IL1RAPL2: variants seen among roughly 807,000 people sequenced by gnomAD.
IL1RAPL2 encodes interleukin 1 receptor accessory protein like 2.
IL1RAPL2 carries 3 observed loss-of-function variants against 44.1 expected under a neutral mutation model. That is an observed-to-expected ratio of 0.07 (90% CI 0.03 to 0.18). The LOEUF is 0.18. IL1RAPL2 is among the 10% of genes least tolerant of loss of function. The pLI, the probability that IL1RAPL2 is intolerant of heterozygous loss-of-function variation, is 1.00. For synonymous variants in IL1RAPL2, 181 were observed against 178.8 expected (o/e 1.01, Z -0.10); for missense variants, 391 against 496.4 (o/e 0.79, Z 2.02).
intron 6 of IL1RAPL2, among the ~76,000 whole-genome samples, chrX:105,641,363 T>G (rs1394667965): frequency 3.6e-5 from 4 of 111,528 alleles, no homozygotes; most frequent in Non-Finnish European, 7.5e-5. Flanking sequence ...AAGAATAAGA[T>G]GTAGCCCTTG....
At position 104,679,635 on chromosome X, in the gene IL1RAPL2, T is replaced by A. The variant is rs144383578; in HGVS notation, c.82+20640T>A. 5.9e-3 allele frequency among the ~76,000 whole-genome samples: 657 copies of A among 112,076 alleles called. 2 individuals carry two copies. The highest frequency in any genetic ancestry group is 9.2e-3 in the Non-Finnish European group (488 of 53,228). ...TTCATGGATTTTATTAGAAATCACT[T>A]GTATCATCAGGCTTCTTGGATCTAC... On this transcript the variant is annotated intron_variant, in intron 2 of 10. Coordinates refer to ENST00000372582, the MANE Select transcript of IL1RAPL2 (RefSeq NM_017416.2).
chrX:105,717,256 A>G lies in IL1RAPL2; in HGVS notation c.773-111A>G, dbSNP rs180964534. ...ACAATGATAAGATGACTAGAAAAAGAGTTGAAAATTGGGTCACCTCTGAGT... is the reference window on the plus strand; with the variant it reads ...ACAATGATAAGATGACTAGAAAAAGGGTTGAAAATTGGGTCACCTCTGAGT... On this transcript the variant is annotated intron_variant, in intron 6 of 10. Transcript: ENST00000372582. 75 of 596,159 alleles carry G rather than the reference A, an allele frequency of 1.3e-4. 1 individual carries two copies. The highest frequency in any genetic ancestry group is 1.6e-4 in the Non-Finnish European group (66 of 417,445). The allele number at this position is 596,159 out of a possible 1,213,427, so 49.1% of individuals were successfully genotyped here.
At chrX:104,927,772 C>A (rs755770844) in intron 2 of IL1RAPL2, among the ~76,000 whole-genome samples, 13 of 111,814 alleles carry the variant, frequency 1.2e-4, no homozygotes, top group Non-Finnish European at 2.3e-4. Flanking sequence ...CCTTAGAATA[C>A]AATGCATTTT....
chrX:104,822,054 T>C lies in IL1RAPL2; in HGVS notation c.82+163059T>C, dbSNP rs142971820. 8.0e-4 allele frequency among the ~76,000 whole-genome samples: 90 copies of C among 112,257 alleles called. 1 individual carries two copies. The East Asian group carries it at 0.024, about 29-fold the overall frequency. Reference sequence around the variant, plus strand: ...CACTTATATGTCTTCTTTTAAAAAGTGTTTGTTCATATCCTTTGCCCAGTT... The same window carrying C: ...CACTTATATGTCTTCTTTTAAAAAGCGTTTGTTCATATCCTTTGCCCAGTT... On this transcript the variant is annotated intron_variant, in intron 2 of 10. Transcript: ENST00000372582.
intron 3 of IL1RAPL2, among the ~76,000 whole-genome samples, chrX:105,196,382 C>T (rs1556141343): frequency 8.9e-6 from 1 of 111,930 alleles, no homozygotes; most frequent in Admixed American, 9.5e-5. Flanking sequence ...TTGCATACAG[C>T]TAGTTGACTC....
rs759551154 is a variant in IL1RAPL2, at chrX:104,941,035, T to C, written c.83-254440T>C. Among the ~76,000 whole-genome samples the C allele has an allele frequency of 4.5e-3, 498 of 110,228 alleles. 2 individuals are homozygous for C. The highest frequency in any genetic ancestry group is 0.015 in the African/African-American group (457 of 30,285). ...TGTCCCTACAAAGGACATGAACTTA[T>C]CCTTTTTTATGGCTGCATAGTAATC... is the stretch of plus-strand genomic sequence containing the variant. On this transcript the variant is annotated intron_variant, in intron 2 of 10. Transcript: ENST00000372582.
intron 5 of IL1RAPL2, among the ~76,000 whole-genome samples, chrX:105,363,289 AATATAT>A (rs61486978): frequency 3.9e-5 from 3 of 76,236 alleles, no homozygotes; most frequent in African/African-American, 2.5e-4. Context: ...ATATATATAT[AATATAT>A]ATATATATAT....
chrX:105,193,168 G>A (rs782738675), intron 2 of IL1RAPL2, among the ~76,000 whole-genome samples: 2 of 111,550 alleles, frequency 1.8e-5, no homozygotes, highest in African/African-American at 3.3e-5. Context: ...AGACTTAGAA[G>A]AGATAACTAA....
At chrX:104,908,499 G>C (rs1428137075) in intron 2 of IL1RAPL2, among the ~76,000 whole-genome samples, 2 of 110,927 alleles carry the variant, frequency 1.8e-5, no homozygotes, top group Admixed American at 9.6e-5. Context: ...GGCAGGCCTG[G>C]TGGTGACAAA....
At position 104,930,005 on chromosome X, in the gene IL1RAPL2, C is replaced by G. The variant is rs190881370; in HGVS notation, c.83-265470C>G. Among the ~76,000 whole-genome samples the G allele has an allele frequency of 1.8e-4, 20 of 111,496 alleles. No individual in the cohort carries two copies. In the East Asian group the frequency reaches 5.4e-3, roughly 30 times the overall value. Reference sequence around the variant, plus strand: ...CATGTTATTGCTTACTTGTTGTACCCCTGTGTTCTTTTTCGACATTAACTC... The same window carrying G: ...CATGTTATTGCTTACTTGTTGTACCGCTGTGTTCTTTTTCGACATTAACTC... On this transcript the variant is annotated intron_variant, in intron 2 of 10. Coordinates refer to ENST00000372582, the MANE Select transcript of IL1RAPL2 (RefSeq NM_017416.2).
intron 2 of IL1RAPL2, among the ~76,000 whole-genome samples, chrX:105,147,071 G>A (rs1226156324): frequency 9.0e-6 from 1 of 111,234 alleles, no homozygotes; most frequent in African/African-American, 3.3e-5. Context: ...ACAAAGAAGG[G>A]ATGTCAGGGT....
At chrX:104,693,231 G>A (rs921912954) in intron 2 of IL1RAPL2, among the ~76,000 whole-genome samples, 4 of 111,395 alleles carry the variant, frequency 3.6e-5, no homozygotes, top group Non-Finnish European at 7.5e-5. Flanking sequence ...TCATACCATT[G>A]TACATGTGTT....
chrX:105,405,027 C>T (rs777482725), intron 5 of IL1RAPL2, among the ~76,000 whole-genome samples: 1 of 110,973 alleles, frequency 9.0e-6, no homozygotes, highest in African/African-American at 3.3e-5. Flanking sequence ...TGGTTATATA[C>T]ATATATATAG....
intron 2 of IL1RAPL2, among the ~76,000 whole-genome samples, chrX:105,029,217 T>C (rs184721186): frequency 5.6e-5 from 6 of 107,855 alleles, no homozygotes; most frequent in Admixed American, 5.0e-4. Context: ...TTGAGGTCTT[T>C]TTATTTTATT....
chrX:104,641,723 C>A (rs1929937511), intron 1 of IL1RAPL2, among the ~76,000 whole-genome samples: 1 of 111,292 alleles, frequency 9.0e-6, no homozygotes, highest in Non-Finnish European at 1.9e-5. Flanking sequence ...AGACCGGCAG[C>A]TGCAGCCCAC....
chrX:105,730,640 T>A (rs763927721), intron 7 of IL1RAPL2, among the ~76,000 whole-genome samples: 2 of 111,196 alleles, frequency 1.8e-5, no homozygotes, highest in East Asian at 5.7e-4. Flanking sequence ...ACAAATTTTT[T>A]AAAATTGAAA....
chrX:104,705,705 C>T (rs1343192280), intron 2 of IL1RAPL2, among the ~76,000 whole-genome samples: 3 of 111,185 alleles, frequency 2.7e-5, no homozygotes, highest in Admixed American at 9.6e-5. Context: ...TCCTGAGACC[C>T]GATAGCCCCA....
intron 5 of IL1RAPL2, among the ~76,000 whole-genome samples, chrX:105,400,321 C>T (rs2035598005): frequency 9.0e-6 from 1 of 111,325 alleles, no homozygotes; most frequent in African/African-American, 3.3e-5. Context: ...TTCAAGATGA[C>T]TCCTTTATTA....
chrX:105,415,961 A>G (rs999083262), intron 5 of IL1RAPL2, among the ~76,000 whole-genome samples: 3 of 111,834 alleles, frequency 2.7e-5, no homozygotes, highest in South Asian at 7.3e-4. Context: ...CCAATCCTCT[A>G]CCTTTAATAA....
Sources: allele counts gnomAD v4.1 joint callset (sites outside exome capture counted in the v4.1 genomes callset), GRCh38; gene constraint gnomAD v4.1.1; transcripts MANE v1.5; gene names NCBI Gene and HGNC (gene_info 2026-07-23, HGNC 2026-07-21).